ITPKA: variants seen among roughly 807,000 people sequenced by gnomAD.
ITPKA encodes inositol-trisphosphate 3-kinase A, also known as IP3 3-kinase A.
A neutral mutation model predicts 40.7 loss-of-function variants in ITPKA; 16 were observed. That is an observed-to-expected ratio of 0.39 (90% CI 0.27 to 0.60). ITPKA has a LOEUF of 0.60. ITPKA is among the 20% of genes least tolerant of loss of function. The pLI, the probability that ITPKA is intolerant of heterozygous loss-of-function variation, is 0.50. For missense variants in ITPKA, 540 were observed against 649.3 expected (o/e 0.83, Z 1.83); for synonymous variants, 313 against 289.9 (o/e 1.08, Z -0.81).
intron 1 of ITPKA, among the ~76,000 whole-genome samples, chr15:41,500,270 T>G (rs2051100848): frequency 1.3e-5 from 2 of 152,214 alleles, no homozygotes. Flanking sequence ...GGCATCTTAT[T>G]TTCATGGCTT....
In ITPKA at chr15:41,501,804, C is replaced by T. The variant is rs751671285; in HGVS notation, c.756C>T (p.Leu252=). The T allele has an allele frequency of 1.2e-6, 2 of 1,613,398 alleles. No individual in the cohort carries two copies. The highest frequency in any genetic ancestry group is 1.7e-5 in the Admixed American group (1 of 60,014). The change falls in exon 3 of 7, where the codon CTC becomes CTT. Residue 252 remains leucine, a synonymous_variant. Coordinates refer to ENST00000260386, the MANE Select transcript of ITPKA (RefSeq NM_002220.3). ...GESYLQLQDL[L]DGFDGPCVLD... ...GCTACCTGCAGCTGCAGGACCTGCT[C>T]GATGGCTTCGACGGACCTTGTGTGC...
In ITPKA at chr15:41,501,008, G is replaced by GA. The variant is rs11366854; in HGVS notation, c.490-429dup. Reference sequence around the variant, plus strand: ...TGGGTGACAGAGCAAGACTCCATCTGAAAAAAAAAAAAAAAAAAAAAAAAA... The same window carrying GA: ...TGGGTGACAGAGCAAGACTCCATCTGAAAAAAAAAAAAAAAAAAAAAAAAAA... On this transcript the variant is annotated intron_variant, in intron 1 of 6. Coordinates refer to ENST00000260386, the MANE Select transcript of ITPKA (RefSeq NM_002220.3). Among the ~76,000 whole-genome samples the GA allele has an allele frequency of 4.9e-3, 287 of 58,184 alleles. 7 individuals are homozygous for GA. The highest frequency in any genetic ancestry group is 6.4e-3 in the Non-Finnish European group (209 of 32,904). The allele number at this position is 58,184 out of a possible 152,430, so 38.2% of individuals were successfully genotyped here. A position where few individuals can be genotyped will look rare whatever the true frequency, so the allele number is the denominator to read the frequency against.
chr15:41,502,117 C>T lies in ITPKA; in HGVS notation c.924C>T (p.Arg308=). 2 of 1,611,080 alleles carry T rather than the reference C, an allele frequency of 1.2e-6. No individual in the cohort carries two copies. The highest frequency in any genetic ancestry group is 8.5e-7 in the Non-Finnish European group (1 of 1,179,184). ...CCACGGAGGAGGAGCACGCGCAGCGCGCCGTCACCAAGCCGCGCTACATGC... is the reference window on the plus strand; with the variant it reads ...CCACGGAGGAGGAGCACGCGCAGCGTGCCGTCACCAAGCCGCGCTACATGC... ...EAPTEEEHAQ[R]AVTKPRYMQW... Residue 308 remains arginine (R), a synonymous_variant, in exon 4 of 7, where the codon CGC becomes CGT. Coordinates refer to ENST00000260386, the MANE Select transcript of ITPKA (RefSeq NM_002220.3).
At chr15:41,501,596 G>C (rs1215313476) in intron 2 of ITPKA, 37 bp downstream of exon 2, 2 of 1,578,236 alleles carry the variant, frequency 1.3e-6, no homozygotes, top group Non-Finnish European at 1.7e-6. Flanking sequence ...GCCCGCGACG[G>C]GAAGGGGCTG....
chr15:41,495,437 G>T (rs1416985370), intron 1 of ITPKA, among the ~76,000 whole-genome samples: 6 of 152,212 alleles, frequency 3.9e-5, no homozygotes, highest in Admixed American at 3.9e-4. Flanking sequence ...CGCCTGCTCC[G>T]CCGCACAATC....
chr15:41,502,021 C>G lies in ITPKA; in HGVS notation c.828C>G (p.Thr276=). 1 of 1,613,260 alleles carries G rather than the reference C, an allele frequency of 6.2e-7. No individual in the cohort carries two copies. Among genetic ancestry groups the G allele is most frequent in the Non-Finnish European group, 8.5e-7 (1 of 1,179,916 alleles). The change falls in exon 4 of 7, where the codon ACC becomes ACG. Residue 276 remains threonine (T), a synonymous_variant. Transcript: ENST00000260386. ...GVRTYLEEEL[T]KARERPKLRK... is the part of the protein sequence containing the mutation. ...GGACTTACCTAGAGGAGGAGCTGAC[C>G]AAGGCCCGTGAGCGGCCCAAGCTGC...
At chr15:41,495,012 C>T (rs931892331) in intron 1 of ITPKA, among the ~76,000 whole-genome samples, 1 of 152,226 alleles carries the variant, frequency 6.6e-6, no homozygotes, top group Non-Finnish European at 1.5e-5. Flanking sequence ...CCAGTGCGCG[C>T]CCTGCCTCCC....
In ITPKA at chr15:41,493,960, G is replaced by C; in HGVS notation, c.33G>C (p.Ala11=). The C allele has an allele frequency of 9.5e-7, 1 of 1,047,370 alleles. No homozygotes were observed. Among genetic ancestry groups the C allele is most frequent in the South Asian group, 4.4e-5 (1 of 22,576 alleles). The allele number at this position is 1,047,370 out of a possible 1,614,324, so 64.9% of individuals were successfully genotyped here. The stretch of plus-strand genomic sequence containing the variant: ...TGCCCGGGGGCCCAACGGGCATGGC[G>C]CGGCCGGGGGGCGCGAGGCCCTGCA... MTLPGGPTGM[A]RPGGARPCSP... Residue 11 remains alanine (A), a synonymous_variant, in exon 1 of 7, where the codon GCG becomes GCC. Coordinates refer to ENST00000260386, the MANE Select transcript of ITPKA (RefSeq NM_002220.3).
intron 5 of ITPKA, 26 bp from the exon 6 acceptor site, chr15:41,502,762 C>T (rs761435108): frequency 1.3e-6 from 2 of 1,579,636 alleles, no homozygotes; most frequent in African/African-American, 1.4e-5. Flanking sequence ...TTAATTTGCC[C>T]TCCTCTCCCA....
rs1015048644 is a variant in ITPKA at position 41,494,073 on chromosome 15, C to T, written c.146C>T (p.Ala49Val). 4 of 1,244,710 alleles carry T rather than the reference C, an allele frequency of 3.2e-6. No homozygotes were observed. Among genetic ancestry groups the T allele is most frequent in the African/African-American group, 3.1e-5 (2 of 63,854 alleles). The allele number at this position is 1,244,710 out of a possible 1,614,324, so 77.1% of individuals were successfully genotyped here. Residue 49 changes from alanine (A) to valine (V), a missense_variant, in exon 1 of 7, where the codon GCC becomes GTC. Transcript: ENST00000260386. The surrounding 1 kb of genome is among the most constrained non-coding windows in gnomAD (Gnocchi z 7.8). ...CGCTGTGCGGCGGTCGCTGCGGCCG[C>T]CGCCGCGGGGGAGCCCCGGGCCCGC... Reference protein sequence around the residue: ...EARCAAVAAAAAAGEPRARGA... With the variant: ...EARCAAVAAAVAAGEPRARGA...
At chr15:41,496,134 C>G (rs2051068957) in intron 1 of ITPKA, among the ~76,000 whole-genome samples, 1 of 152,242 alleles carries the variant, frequency 6.6e-6, no homozygotes, top group Non-Finnish European at 1.5e-5. Context: ...GGGCTGTTGA[C>G]AGAGGCTGCC....
Position 41,501,992 on chromosome 15 carries a change from C to T in ITPKA, c.804-5C>T, listed in dbSNP as rs1417738935. On this transcript the variant is annotated splice_region_variant and splice_polypyrimidine_tract_variant and intron_variant, in intron 3 of 6. Transcript: ENST00000260386. The stretch of plus-strand genomic sequence containing the variant: ...ATGCCCTGGCCGCTGCCTGCGCCCC[C>T]ACAGGACTTACCTAGAGGAGGAGCT... 6.2e-7 allele frequency: 1 copy of T among 1,612,112 alleles called. No homozygotes were observed. Among genetic ancestry groups the T allele is most frequent in the African/African-American group, 1.3e-5 (1 of 75,016 alleles).
At chr15:41,501,368 TG>T in intron 1 of ITPKA, 94 bp from the exon 2 acceptor site, 7 of 1,513,212 alleles carry the variant, frequency 4.6e-6, no homozygotes, top group Non-Finnish European at 6.2e-6. Context: ...CTGCTTCCGG[TG>T]GGTCGGGGGC....
chr15:41,494,148 C>T lies in ITPKA; in HGVS notation c.221C>T (p.Pro74Leu). ...GTCCCCAACGGGCTTCCGCGGGCTC[C>T]CCCGGCCCCGGTGATCCCTCAGCTG... ...GQVPNGLPRA[P>L]PAPVIPQLTV... The change falls in exon 1 of 7, where the codon CCC (proline) becomes CTC (leucine). Residue 74 changes from proline to leucine, a missense_variant. By Grantham distance (98) the Pro-to-Leu change is moderately conservative. Transcript: ENST00000260386. This position sits in a 1 kb window ranked among gnomAD's most constrained non-coding sequence, Gnocchi z 7.8. 3 of 1,472,560 alleles carry T rather than the reference C, an allele frequency of 2.0e-6. No individual in the cohort carries two copies. Among genetic ancestry groups the T allele is most frequent in the Non-Finnish European group, 1.8e-6 (2 of 1,115,374 alleles). 91.2% of individuals were successfully genotyped at this position (1,472,560 alleles called of 1,614,324 possible).
intron 3 of ITPKA, 25 bp from the exon 4 acceptor site, chr15:41,501,972 C>T: frequency 6.2e-7 from 1 of 1,608,170 alleles, no homozygotes; most frequent in Non-Finnish European, 8.5e-7. Context: ...CCCTCATGCC[C>T]TGGCCGCTGC....
intron 1 of ITPKA, among the ~76,000 whole-genome samples, chr15:41,498,920 T>G (rs2051091835): frequency 6.6e-6 from 1 of 152,196 alleles, no homozygotes; most frequent in Non-Finnish European, 1.5e-5. Context: ...GGCTGATAGC[T>G]TCAGCCAGAG....
chr15:41,502,154 G>A lies in ITPKA; in HGVS notation c.961G>A (p.Gly321Ser). The A allele has an allele frequency of 3.7e-6, 6 of 1,602,180 alleles. No homozygotes were observed. Among genetic ancestry groups the A allele is most frequent in the Non-Finnish European group, 5.1e-6 (6 of 1,175,018 alleles). The change falls in exon 4 of 7, where the codon GGC becomes AGC. Residue 321 changes from glycine to serine, a missense_variant. Transcript: ENST00000260386. ...TKPRYMQWRE[G>S]ISSSTTLGFR... The stretch of plus-strand genomic sequence containing the variant: ...GCCGCGCTACATGCAGTGGCGGGAA[G>A]GCATCAGCTCCAGCACCACCCTCGG...
At chr15:41,499,042 C>G (rs1244443265) in intron 1 of ITPKA, among the ~76,000 whole-genome samples, 2 of 152,196 alleles carry the variant, frequency 1.3e-5, no homozygotes, top group African/African-American at 4.8e-5. Flanking sequence ...TTCATTATGG[C>G]TCTCAAACTG....
chr15:41,501,445 T>G lies in ITPKA; in HGVS notation c.490-18T>G. The stretch of plus-strand genomic sequence containing the variant: ...TGCCGAGACGCCGATTATCAGACCT[T>G]GACCCTGTCGCTTTCAGAAAAACCA... On this transcript the variant is annotated intron_variant, in intron 1 of 6. Coordinates refer to ENST00000260386, the MANE Select transcript of ITPKA (RefSeq NM_002220.3). 1 of 1,598,954 alleles carries G rather than the reference T, an allele frequency of 6.3e-7. No homozygotes were observed. The highest frequency in any genetic ancestry group is 1.3e-5 in the African/African-American group (1 of 74,732).
Sources: allele counts gnomAD v4.1 joint callset (sites outside exome capture counted in the v4.1 genomes callset), GRCh38; gene constraint gnomAD v4.1.1; non-coding constraint Gnocchi (gnomAD v3.1); transcripts MANE v1.5; gene names NCBI Gene and HGNC (gene_info 2026-07-23, HGNC 2026-07-21).